The following SHISA9 variants were observed in gnomAD, a reference collection of about 807,000 sequenced individuals.
SHISA9 encodes protein shisa-9.
SHISA9 carries 13 observed loss-of-function variants against 38.0 expected under a neutral mutation model. The ratio of observed to expected loss-of-function variants is 0.34; its 90% CI spans 0.22 to 0.54. The LOEUF (loss-of-function observed/expected upper bound fraction) is 0.54, where lower values mean the gene tolerates loss of function less well. Ranked by LOEUF, SHISA9 falls within the 20% of genes least tolerant of loss-of-function variation. The pLI is 0.91. For missense variants in SHISA9, 538 were observed against 575.8 expected (o/e 0.93, Z 0.67); for synonymous variants, 275 against 242.0 (o/e 1.14, Z -1.27).
the SHISA9 span, among the ~76,000 whole-genome samples, chr16:13,456,361 A>C: frequency 6.6e-6 from 1 of 152,126 alleles, no homozygotes; most frequent in Non-Finnish European, 1.5e-5. Context: ...TATTGCTGAC[A>C]CCTGAGTCAG....
At chr16:13,249,621 AT>A in the SHISA9 span, among the ~76,000 whole-genome samples, 1 of 151,524 alleles carries the variant, frequency 6.6e-6, no homozygotes, top group Non-Finnish European at 1.5e-5. Flanking sequence ...TTCCTTATAC[AT>A]TTTTTCTCTC....
At chr16:13,083,321 C>T (rs1449800810) in intron 2 of SHISA9, among the ~76,000 whole-genome samples, 3 of 152,150 alleles carry the variant, frequency 2.0e-5, no homozygotes, top group Non-Finnish European at 2.9e-5. Context: ...ATACAATGAT[C>T]ATAGAAGTGC....
the SHISA9 span, among the ~76,000 whole-genome samples, chr16:13,425,498 A>G: frequency 6.6e-6 from 1 of 152,104 alleles, no homozygotes; most frequent in Non-Finnish European, 1.5e-5. Flanking sequence ...AACAAAAACA[A>G]AAACTAAAAC....
At chr16:13,112,142 G>A (rs1335454579) in intron 2 of SHISA9, among the ~76,000 whole-genome samples, 2 of 152,152 alleles carry the variant, frequency 1.3e-5, no homozygotes, top group Admixed American at 6.5e-5. Context: ...AAAGGAGATG[G>A]ACTAGGTTGT....
chr16:12,953,383 G>A (rs370182908), intron 2 of SHISA9, among the ~76,000 whole-genome samples: 5 of 152,162 alleles, frequency 3.3e-5, no homozygotes, highest in African/African-American at 1.2e-4. Flanking sequence ...TTTGGTAGAT[G>A]AGAACCTGAG....
rs1205868052 is a variant in SHISA9, at chr16:13,239,893, AAT to A, written c.*4487_*4488del. On this transcript the variant is annotated 3_prime_UTR_variant, in exon 5 of 5. Coordinates refer to ENST00000558583, the MANE Select transcript of SHISA9 (RefSeq NM_001145204.3). Reference sequence around the variant, plus strand: ...TCTTGGGAGGGTAGACAGACCTCACAATATGGAAAGACGGGACAACCTATGGA... The same window carrying A: ...TCTTGGGAGGGTAGACAGACCTCACAATGGAAAGACGGGACAACCTATGGA... The A allele has an allele frequency of 2.0e-5, 3 of 152,226 alleles. No homozygotes were observed. The highest frequency in any genetic ancestry group is 7.2e-5 in the African/African-American group (3 of 41,464). The allele number at this position is 152,226 out of a possible 1,614,324, so 9.4% of individuals were successfully genotyped here.
intron 2 of SHISA9, among the ~76,000 whole-genome samples, chr16:13,115,829 C>G (rs1401392183): frequency 2.0e-5 from 3 of 152,228 alleles, no homozygotes; most frequent in African/African-American, 7.2e-5. Context: ...AAACCCTGCA[C>G]TAACAATTCC....
rs933361209 is a variant in SHISA9, at chr16:12,906,826, G to A, written c.563+4199G>A. Among the ~76,000 whole-genome samples the A allele has an allele frequency of 3.3e-5, 5 of 152,096 alleles. No individual in the cohort carries two copies. In the South Asian group the frequency reaches 8.3e-4, roughly 25 times the overall value. On this transcript the variant is annotated intron_variant, in intron 1 of 4. Coordinates refer to ENST00000558583, the MANE Select transcript of SHISA9 (RefSeq NM_001145204.3). ...TCCTGTGCATGGCAAGATATTTGGC[G>A]GCGTCTCTGGTCTCTGCCCACTGAT...
chr16:13,137,455 C>A (rs1377012461), intron 2 of SHISA9, among the ~76,000 whole-genome samples: 1 of 151,256 alleles, frequency 6.6e-6, no homozygotes, highest in Non-Finnish European at 1.5e-5. Flanking sequence ...AGGATCTAAT[C>A]TTTTTATTTT....
At chr16:13,417,123 A>G in the SHISA9 span, among the ~76,000 whole-genome samples, 1 of 152,198 alleles carries the variant, frequency 6.6e-6, no homozygotes, top group Non-Finnish European at 1.5e-5. Context: ...TGCTGCTTAT[A>G]TCACTGCATG....
the SHISA9 span, among the ~76,000 whole-genome samples, chr16:13,318,276 A>G: frequency 6.6e-6 from 1 of 152,214 alleles, no homozygotes; most frequent in Non-Finnish European, 1.5e-5. Context: ...TCTAGATGCC[A>G]GTAGCAAATA....
intron 2 of SHISA9, among the ~76,000 whole-genome samples, chr16:12,943,565 G>A (rs991817842): frequency 1.3e-5 from 2 of 152,154 alleles, no homozygotes; most frequent in Non-Finnish European, 2.9e-5. Context: ...GATAAGATGT[G>A]TAAACTGCCT....
intron 2 of SHISA9, among the ~76,000 whole-genome samples, chr16:12,937,345 C>CT (rs1172738227): frequency 6.6e-6 from 1 of 152,226 alleles, no homozygotes; most frequent in Non-Finnish European, 1.5e-5. Context: ...CTCAAGCACT[C>CT]TAATTCTCCT....
the SHISA9 span, among the ~76,000 whole-genome samples, chr16:13,486,152 A>C: frequency 6.6e-6 from 1 of 152,200 alleles, no homozygotes; most frequent in African/African-American, 2.4e-5. Flanking sequence ...TCCAGGCAGA[A>C]TCCTTCCCTG....
At chr16:12,982,631 A>T (rs527294412) in intron 2 of SHISA9, among the ~76,000 whole-genome samples, 1 of 152,188 alleles carries the variant, frequency 6.6e-6, no homozygotes, top group African/African-American at 2.4e-5. Context: ...TTCGTGAGAC[A>T]CCATCTCCAG....
chr16:12,990,146 G>T (rs910432121), intron 2 of SHISA9, among the ~76,000 whole-genome samples: 1 of 152,178 alleles, frequency 6.6e-6, no homozygotes, highest in Non-Finnish European at 1.5e-5. Context: ...ATCCCATTGT[G>T]TACACATACC....
the SHISA9 span, among the ~76,000 whole-genome samples, chr16:13,333,041 C>CAAGGGGTCCT: frequency 6.6e-6 from 1 of 152,202 alleles, no homozygotes; most frequent in Non-Finnish European, 1.5e-5. Flanking sequence ...GGGTCCTCTG[C>CAAGGGGTCCT]CGTGCCCGTC....
intron 2 of SHISA9, among the ~76,000 whole-genome samples, chr16:12,978,038 G>T (rs956484144): frequency 1.3e-5 from 2 of 152,134 alleles, no homozygotes; most frequent in African/African-American, 4.8e-5. Context: ...GAATAAAGAT[G>T]GGGGAGAGGT....
At chr16:13,306,664 T>G in the SHISA9 span, among the ~76,000 whole-genome samples, 1 of 152,132 alleles carries the variant, frequency 6.6e-6, no homozygotes, top group Admixed American at 6.5e-5. Flanking sequence ...TCTCAGTTCC[T>G]CTCCATCAGG....
Sources: allele counts gnomAD v4.1 joint callset (sites outside exome capture counted in the v4.1 genomes callset), GRCh38; gene constraint gnomAD v4.1.1; transcripts MANE v1.5; gene names NCBI Gene and HGNC (gene_info 2026-07-23, HGNC 2026-07-21).